The following PCDH11X variants were observed in gnomAD, a reference collection of about 807,000 sequenced individuals.
PCDH11X encodes the protein protocadherin 11 X-linked, also known as protocadherin-11 X-linked.
Under a neutral mutation model 53.3 loss-of-function variants are expected in PCDH11X, and 18 were observed. The observed-to-expected ratio is 0.34, with a 90% CI of 0.23 to 0.50. PCDH11X has a LOEUF of 0.50. Among genes scored for constraint, PCDH11X ranks in the 20% least tolerant of loss-of-function variants. The probability of loss-of-function intolerance (pLI) is 0.98; values close to 1 mark genes in which losing one functional copy is unlikely to be tolerated. For missense variants in PCDH11X, 570 were observed against 1,032.4 expected (o/e 0.55, Z 6.14); for synonymous variants, 279 against 393.3 (o/e 0.71, Z 3.44).
intron 10 of PCDH11X, among the ~76,000 whole-genome samples, chrX:92,548,126 TC>T (rs1168742279): frequency 9.1e-6 from 1 of 110,179 alleles, no homozygotes; most frequent in Non-Finnish European, 1.9e-5. Context: ...AAGAACTCAT[TC>T]CTTTCCTGCA....
intron 6 of PCDH11X, among the ~76,000 whole-genome samples, chrX:92,160,646 T>TC (rs2065625421): frequency 9.3e-6 from 1 of 107,945 alleles, no homozygotes; most frequent in Non-Finnish European, 1.9e-5. Flanking sequence ...TTTTTCTTTT[T>TC]TTTTTTTTTT....
Position 92,148,069 on chromosome X carries a change from T to TCC in PCDH11X, c.3034-53305_3034-53304insCC, listed in dbSNP as rs1569389092. ...TCCTTCCTTCCTTCCTTTCTTTCTT[T>TCC]CTTTCTTTCTTTCTTTCTTTCTTTC... On this transcript the variant is annotated intron_variant, in intron 6 of 10. Transcript: ENST00000682573. Among the ~76,000 whole-genome samples the TCC allele has an allele frequency of 8.8e-3, 75 of 8,543 alleles. 8 individuals are homozygous for TCC. The highest frequency in any genetic ancestry group is 0.038 in the African/African-American group (71 of 1,885). 7.4% of individuals were successfully genotyped at this position (8,543 alleles called of 115,157 possible). A position where few individuals can be genotyped will look rare whatever the true frequency, so the allele number is the denominator to read the frequency against.
intron 6 of PCDH11X, among the ~76,000 whole-genome samples, chrX:91,977,340 T>A (rs1036215409): frequency 1.8e-5 from 2 of 112,157 alleles, no homozygotes; most frequent in African/African-American, 6.5e-5. Flanking sequence ...CAAAAATAGA[T>A]AACTGTACAA....
intron 8 of PCDH11X, among the ~76,000 whole-genome samples, chrX:92,287,362 G>A (rs1281084970): frequency 9.0e-6 from 1 of 110,884 alleles, no homozygotes; most frequent in Non-Finnish European, 1.9e-5. Context: ...GACAGGCCCT[G>A]GTGTGTGTTG....
At chrX:92,484,187 A>G (rs1212208214) in intron 10 of PCDH11X, among the ~76,000 whole-genome samples, 3 of 67,081 alleles carry the variant, frequency 4.5e-5, no homozygotes, top group African/African-American at 3.0e-4. Context: ...GTATGTATAT[A>G]TATGTATATA....
chrX:92,328,169 G>A (rs756543262), intron 8 of PCDH11X, among the ~76,000 whole-genome samples: 1 of 111,032 alleles, frequency 9.0e-6, no homozygotes, highest in Admixed American at 9.7e-5. Context: ...TATTGCCTTA[G>A]CTTATTGCTT....
At position 92,109,706 on chromosome X, in the gene PCDH11X, T is replaced by A. The variant is rs1286821724; in HGVS notation, c.3034-91669T>A. Among the ~76,000 whole-genome samples the A allele has an allele frequency of 3.1e-4, 35 of 112,243 alleles. No homozygotes were observed. In the Admixed American group the frequency reaches 3.1e-3, roughly 10 times the overall value. On this transcript the variant is annotated intron_variant, in intron 6 of 10. Coordinates refer to ENST00000682573, the MANE Select transcript of PCDH11X (RefSeq NM_032968.5). ...CCTACTCTTGTAGCTAGTTTGTTAG[T>A]CCTACAAAGGCAGACTGGGCCCAAA... is the stretch of plus-strand genomic sequence containing the variant.
intron 10 of PCDH11X, among the ~76,000 whole-genome samples, chrX:92,609,311 G>A (rs1336394644): frequency 1.8e-5 from 2 of 111,402 alleles, no homozygotes; most frequent in East Asian, 2.8e-4. Flanking sequence ...TGTATGTTTA[G>A]CTTTATAGGA....
intron 6 of PCDH11X, among the ~76,000 whole-genome samples, chrX:92,006,287 A>AT (rs753722385): frequency 9.4e-4 from 102 of 108,358 alleles, no homozygotes; most frequent in African/African-American, 3.0e-3. Context: ...GGTGTGCTTC[A>AT]TTTTTTTTAT....
At chrX:91,932,109 C>T (rs1474185998) in intron 6 of PCDH11X, among the ~76,000 whole-genome samples, 2 of 110,331 alleles carry the variant, frequency 1.8e-5, no homozygotes, top group African/African-American at 3.3e-5. Flanking sequence ...TATCAGTTTG[C>T]GGAGGATAAC....
intron 6 of PCDH11X, among the ~76,000 whole-genome samples, chrX:91,901,153 T>G (rs1940935954): frequency 9.0e-6 from 1 of 110,895 alleles, no homozygotes; most frequent in South Asian, 3.9e-4. Flanking sequence ...ACTCCCAGGT[T>G]TGTTGTGTAA....
intron 6 of PCDH11X, among the ~76,000 whole-genome samples, chrX:91,908,160 A>C (rs1941248313): frequency 8.9e-6 from 1 of 111,974 alleles, no homozygotes; most frequent in African/African-American, 3.2e-5. Context: ...CAGAAGCAAA[A>C]ATCAACAAAT....
chrX:91,968,048 T>C (rs1025896331), intron 6 of PCDH11X, among the ~76,000 whole-genome samples: 19 of 111,950 alleles, frequency 1.7e-4, no homozygotes, highest in Non-Finnish European at 3.0e-4. Context: ...CGTCTGGTTC[T>C]ATAAAGTGAA....
At chrX:92,116,901 T>C (rs754794347) in intron 6 of PCDH11X, among the ~76,000 whole-genome samples, 8 of 110,073 alleles carry the variant, frequency 7.3e-5, no homozygotes, top group Non-Finnish European at 1.3e-4. Flanking sequence ...AAATTTATTT[T>C]ATAATTAAAA....
chrX:91,909,791 G>A (rs1362598527), intron 6 of PCDH11X, among the ~76,000 whole-genome samples: 2 of 110,559 alleles, frequency 1.8e-5, no homozygotes, highest in Admixed American at 1.9e-4. Context: ...GATTTATTGA[G>A]GTATAATGCG....
intron 7 of PCDH11X, among the ~76,000 whole-genome samples, chrX:92,238,288 A>G (rs1193483773): frequency 8.9e-6 from 1 of 111,897 alleles, no homozygotes; most frequent in East Asian, 2.8e-4. Context: ...ATATGTGTGT[A>G]CTGTGAATAG....
At chrX:92,319,611 G>A (rs747104808) in intron 8 of PCDH11X, among the ~76,000 whole-genome samples, 68 of 110,185 alleles carry the variant, frequency 6.2e-4, no homozygotes, top group African/African-American at 2.1e-3. Context: ...CCTCCGCTTT[G>A]GTCCCCCAGA....
intron 7 of PCDH11X, among the ~76,000 whole-genome samples, chrX:92,257,286 C>T (rs1212572758): frequency 1.8e-5 from 2 of 111,347 alleles, no homozygotes; most frequent in Non-Finnish European, 3.8e-5. Flanking sequence ...CTCCCATCAG[C>T]CCCCACATCC....
At chrX:92,319,351 TAAAC>T (rs751146264) in intron 8 of PCDH11X, among the ~76,000 whole-genome samples, 10 of 112,007 alleles carry the variant, frequency 8.9e-5, no homozygotes, top group South Asian at 3.7e-4. Flanking sequence ...TTTTTCAAGA[TAAAC>T]AAAGATCGAT....
Sources: allele counts gnomAD v4.1 joint callset (sites outside exome capture counted in the v4.1 genomes callset), GRCh38; gene constraint gnomAD v4.1.1; transcripts MANE v1.5; gene names NCBI Gene and HGNC (gene_info 2026-07-23, HGNC 2026-07-21).